The following TRAPPC12 variants were observed in gnomAD, a reference collection of about 807,000 sequenced individuals.
TRAPPC12 encodes trafficking protein particle complex subunit 12.
TRAPPC12 carries 61 observed loss-of-function variants against 69.2 expected under a neutral mutation model. The observed-to-expected ratio is 0.88, with a 90% CI of 0.72 to 1.09. The LOEUF (loss-of-function observed/expected upper bound fraction) is 1.09, where lower values mean the gene tolerates loss of function less well. Ranked by LOEUF, TRAPPC12 falls within the 50% of genes least tolerant of loss-of-function variation. TRAPPC12 has a pLI of 0.00. For missense variants in TRAPPC12, 1,101 were observed against 1,016.4 expected (o/e 1.08, Z -1.13); for synonymous variants, 469 against 438.9 (o/e 1.07, Z -0.86).
intron 8 of TRAPPC12, among the ~76,000 whole-genome samples, chr2:3,465,223 G>A (rs958703204): frequency 2.9e-4 from 44 of 152,192 alleles, no homozygotes; most frequent in African/African-American, 1.0e-3. Flanking sequence ...ATGAGACAGC[G>A]TTCGCCAACT....
intron 10 of TRAPPC12, chr2:3,478,049 G>T: frequency 3.0e-6 from 1 of 328,536 alleles, no homozygotes; most frequent in South Asian, 8.5e-5. Context: ...TATTGCCCCC[G>T]TTTTCAGCGT....
In TRAPPC12 at chr2:3,387,912, GA is replaced by G; in HGVS notation, c.291del (p.Gly98AlafsTer83). 6.5e-7 allele frequency: 1 copy of G among 1,541,842 alleles called. No individual in the cohort carries two copies. The highest frequency in any genetic ancestry group is 2.0e-5 in the Admixed American group (1 of 50,898). On this transcript the variant is annotated frameshift_variant, in exon 2 of 12. Coordinates refer to ENST00000324266, the MANE Select transcript of TRAPPC12 (RefSeq NM_016030.6). LOFTEE classifies it high-confidence loss of function. ...GCGGGACGAAGCTGAGCCCGGAGGG[GA>G]AGGCGACCCAGGCCCGGAGCCCGCG... Reference protein sequence around the residue: ...RVRDEAEPGGEGDPGPEPAGT... With the variant: ...RVRDEAEPGGXGDPGPEPAGT...
In TRAPPC12 at chr2:3,465,445, C is replaced by T. The variant is rs1239101652; in HGVS notation, c.1678-152C>T. The T allele has an allele frequency of 3.5e-5, 21 of 594,550 alleles. No homozygotes were observed. In the South Asian group the frequency reaches 3.8e-4, roughly 11 times the overall value. The allele number at this position is 594,550 out of a possible 1,614,324, so 36.8% of individuals were successfully genotyped here. A position where few individuals can be genotyped will look rare whatever the true frequency, so the allele number is the denominator to read the frequency against. On this transcript the variant is annotated intron_variant, in intron 8 of 11. Coordinates refer to ENST00000324266, the MANE Select transcript of TRAPPC12 (RefSeq NM_016030.6). The stretch of plus-strand genomic sequence containing the variant: ...GAGCAGCCGCCCCCTGGCAGCCGAG[C>T]ACCGCGTGCTGGTTTCCAGCTTCCC...
intron 7 of TRAPPC12, chr2:3,458,362 C>T (rs930444478): frequency 1.0e-6 from 1 of 985,878 alleles, no homozygotes; most frequent in Non-Finnish European, 1.2e-6. Flanking sequence ...GGCAGCATCT[C>T]CCCACAGGCC....
chr2:3,421,421 A>G (rs1207486790), intron 3 of TRAPPC12, among the ~76,000 whole-genome samples: 1 of 152,266 alleles, frequency 6.6e-6, no homozygotes, highest in Non-Finnish European at 1.5e-5. Flanking sequence ...GAACATATAA[A>G]GCCAGTTATT....
intron 8 of TRAPPC12, 127 bp from the exon 9 acceptor site, chr2:3,465,470 C>A: frequency 1.5e-6 from 1 of 668,356 alleles, no homozygotes; most frequent in East Asian, 2.6e-5. Flanking sequence ...TCCAGCTTCC[C>A]CGCCAGCTCC....
intron 1 of TRAPPC12, among the ~76,000 whole-genome samples, chr2:3,384,107 G>A (rs1572072877): frequency 6.6e-6 from 1 of 151,960 alleles, no homozygotes; most frequent in East Asian, 1.9e-4. Context: ...TGTTGACCAG[G>A]CTGGTCTTGA....
chr2:3,421,979 G>C lies in TRAPPC12; in HGVS notation c.1263G>C (p.Thr421=), dbSNP rs547835457. ...AGAGCGGGCTGCTCACCAGCCACACGACAGATTCACTGCAGGTGAGAACAC... is the reference window on the plus strand; with the variant it reads ...AGAGCGGGCTGCTCACCAGCCACACCACAGATTCACTGCAGGTGAGAACAC... ...YGKSGLLTSH[T]TDSLQLWFVR... Residue 421 remains threonine, a synonymous_variant, in exon 4 of 12, where the codon ACG becomes ACC. Transcript: ENST00000324266. 1 of 1,612,942 alleles carries C rather than the reference G, an allele frequency of 6.2e-7. No homozygotes were observed. The highest frequency in any genetic ancestry group is 8.5e-7 in the Non-Finnish European group (1 of 1,179,688).
chr2:3,415,679 C>T (rs1662338224), intron 3 of TRAPPC12, among the ~76,000 whole-genome samples: 1 of 149,992 alleles, frequency 6.7e-6, no homozygotes, highest in Non-Finnish European at 1.5e-5. Flanking sequence ...GCTGGGGTTA[C>T]AGAAGTGAGC....
intron 5 of TRAPPC12, among the ~76,000 whole-genome samples, chr2:3,439,679 T>C (rs544806606): frequency 4.5e-4 from 68 of 152,312 alleles, no homozygotes; most frequent in African/African-American, 1.6e-3. Context: ...AGAGCATACG[T>C]GTTTAATTTT....
At chr2:3,419,021 G>A (rs1204082366) in intron 3 of TRAPPC12, among the ~76,000 whole-genome samples, 2 of 152,104 alleles carry the variant, frequency 1.3e-5, no homozygotes, top group African/African-American at 2.4e-5. Flanking sequence ...CTCGGGCCCT[G>A]CACCCTGCCC....
intron 2 of TRAPPC12, among the ~76,000 whole-genome samples, chr2:3,390,469 A>G (rs775081230): frequency 6.6e-6 from 1 of 152,224 alleles, no homozygotes; most frequent in Non-Finnish European, 1.5e-5. Flanking sequence ...TGTAATTGCA[A>G]AGAATCTGAA....
chr2:3,464,592 G>A (rs969848392), intron 8 of TRAPPC12, among the ~76,000 whole-genome samples: 2 of 152,248 alleles, frequency 1.3e-5, no homozygotes, highest in Non-Finnish European at 2.9e-5. Flanking sequence ...TTATAGCTAA[G>A]TGCGAGAATG....
intron 6 of TRAPPC12, among the ~76,000 whole-genome samples, chr2:3,452,065 C>T (rs1161546513): frequency 6.6e-6 from 1 of 152,158 alleles, no homozygotes; most frequent in African/African-American, 2.4e-5. Context: ...CTGGGTCGCA[C>T]TGGCTCAGGT....
At chr2:3,383,760 A>G (rs1291301543) in intron 1 of TRAPPC12, among the ~76,000 whole-genome samples, 2 of 151,902 alleles carry the variant, frequency 1.3e-5, no homozygotes, top group East Asian at 3.9e-4. Flanking sequence ...TGGTGAGACA[A>G]GATTCCAAGT....
At chr2:3,417,159 C>G (rs1427212892) in intron 3 of TRAPPC12, among the ~76,000 whole-genome samples, 1 of 152,136 alleles carries the variant, frequency 6.6e-6, no homozygotes, top group East Asian at 1.9e-4. Context: ...TTTTTTATAT[C>G]TTCTGTCATT....
chr2:3,458,522 ATGTG>A (rs1665305388), intron 7 of TRAPPC12: 16 of 912,564 alleles, frequency 1.8e-5, no homozygotes, highest in Admixed American at 6.2e-5. Context: ...TGAGGTGTGT[ATGTG>A]TGTGGTGTGT....
chr2:3,413,536 T>C (rs1172827516), intron 3 of TRAPPC12, among the ~76,000 whole-genome samples: 1 of 152,142 alleles, frequency 6.6e-6, no homozygotes, highest in Non-Finnish European at 1.5e-5. Context: ...TGTACGTGAG[T>C]GTGATTGAAT....
chr2:3,431,123 T>G (rs1012183030), intron 5 of TRAPPC12, among the ~76,000 whole-genome samples: 6 of 152,250 alleles, frequency 3.9e-5, no homozygotes, highest in African/African-American at 1.4e-4. Flanking sequence ...GAGCCCCTCG[T>G]GCACACTTGT....
Sources: gnomAD v4.1 joint callset for allele counts (sites outside exome capture counted in the v4.1 genomes callset) on GRCh38, gnomAD v4.1.1 for gene constraint, MANE v1.5 for transcripts, NCBI Gene and HGNC (gene_info 2026-07-23, HGNC 2026-07-21) for gene names.